The following ANKRD13C variants were observed in gnomAD, a reference collection of about 807,000 sequenced individuals.
The protein encoded by ANKRD13C is ankyrin repeat domain-containing protein 13C.
In ANKRD13C, 16 loss-of-function variants were observed where a neutral mutation model predicts 65.5. The observed-to-expected ratio is 0.24, with a 90% CI of 0.17 to 0.37. The LOEUF (loss-of-function observed/expected upper bound fraction) is 0.37. ANKRD13C is among the 10% of genes least tolerant of loss of function. The pLI is 1.00. For missense variants in ANKRD13C, 503 were observed against 655.9 expected (o/e 0.77, Z 2.55); for synonymous variants, 235 against 238.7 (o/e 0.98, Z 0.14).
At chr1:70,306,789 A>C (rs762430537) in intron 5 of ANKRD13C, among the ~76,000 whole-genome samples, 18 of 152,226 alleles carry the variant, frequency 1.2e-4, no homozygotes, top group Non-Finnish European at 2.2e-4. Context: ...AATGTACCTG[A>C]GTTTCAAAAT....
Position 70,354,671 on chromosome 1 carries a change from G to A in ANKRD13C, c.-263C>T, listed in dbSNP as rs1682923259. On this transcript the variant is annotated 5_prime_UTR_variant, in exon 1 of 13. Coordinates refer to ENST00000370944, the MANE Select transcript of ANKRD13C (RefSeq NM_030816.5). ...GGATCTCAGTCTCGCCGTCGCAGCC[G>A]CCGTCGCTGCCTTACACCGAAAAAC... The A allele has an allele frequency of 2.4e-6, 2 of 834,244 alleles. No individual in the cohort carries two copies. Among genetic ancestry groups the A allele is most frequent in the African/African-American group, 1.7e-5 (1 of 58,066 alleles). 51.7% of individuals were successfully genotyped at this position (834,244 alleles called of 1,614,324 possible).
chr1:70,297,324 C>T (rs1680132549), intron 7 of ANKRD13C, among the ~76,000 whole-genome samples: 1 of 136,644 alleles, frequency 7.3e-6, no homozygotes, highest in African/African-American at 2.7e-5. Context: ...GACAGAGTCC[C>T]GCTTTGTCGC....
chr1:70,336,078 G>A lies in ANKRD13C; in HGVS notation c.452C>T (p.Ala151Val). ...DNHGNTPLHL[A>V]VMLGNKECAH... ...CTAACCTTTATTTCCTAACATCACA[G>A]CAAGGTGTAAAGGAGTATTTCCTAA... is the stretch of plus-strand genomic sequence containing the variant. The change falls in exon 2 of 13, where the codon GCT (alanine) becomes GTT (valine). Residue 151 changes from alanine to valine, a missense_variant. Ala to Val is a moderately conservative substitution (Grantham distance 64). Around this residue, in one of 2 missense-constraint regions of ANKRD13C, gnomAD observed 300 missense variants for 478.3 expected, o/e 0.63. Coordinates refer to ENST00000370944, the MANE Select transcript of ANKRD13C (RefSeq NM_030816.5). 1 of 818,990 alleles carries A rather than the reference G, an allele frequency of 1.2e-6. No homozygotes were observed. The highest frequency in any genetic ancestry group is 3.8e-5 in the Admixed American group (1 of 25,992). 50.7% of individuals were successfully genotyped at this position (818,990 alleles called of 1,614,324 possible).
At chr1:70,313,442 ACT>A (rs1486227133) in intron 5 of ANKRD13C, among the ~76,000 whole-genome samples, 1 of 151,592 alleles carries the variant, frequency 6.6e-6, no homozygotes, top group Non-Finnish European at 1.5e-5. Context: ...AGCGGGGAGG[ACT>A]GCCTGAGCCC....
chr1:70,312,473 T>C (rs1419532089), intron 5 of ANKRD13C, among the ~76,000 whole-genome samples: 1 of 151,772 alleles, frequency 6.6e-6, no homozygotes, highest in Non-Finnish European at 1.5e-5. Flanking sequence ...GTAAGTAATC[T>C]CCATTTCACA....
chr1:70,287,197 T>A (rs891478981), intron 9 of ANKRD13C, among the ~76,000 whole-genome samples: 1 of 152,094 alleles, frequency 6.6e-6, no homozygotes, highest in Non-Finnish European at 1.5e-5. Context: ...AGAGAAATTA[T>A]AGAGAATCTA....
intron 2 of ANKRD13C, among the ~76,000 whole-genome samples, chr1:70,335,426 AT>A (rs1361495469): frequency 2.0e-5 from 3 of 151,690 alleles, no homozygotes; most frequent in Non-Finnish European, 4.4e-5. Context: ...AAAAGAAAAA[AT>A]TTTTACTAAA....
intron 9 of ANKRD13C, among the ~76,000 whole-genome samples, chr1:70,291,149 G>A (rs1234200493): frequency 6.6e-6 from 1 of 151,956 alleles, no homozygotes; most frequent in Non-Finnish European, 1.5e-5. Flanking sequence ...TCCTGCCTCA[G>A]CCTTCCGAGT....
intron 9 of ANKRD13C, among the ~76,000 whole-genome samples, chr1:70,278,180 C>A (rs1435756233): frequency 2.7e-5 from 4 of 150,378 alleles, no homozygotes; most frequent in African/African-American, 4.9e-5. Flanking sequence ...CAAAGTAAGA[C>A]CCTGCCTCAC....
chr1:70,274,470 T>C (rs185029258), intron 11 of ANKRD13C, among the ~76,000 whole-genome samples: 1,034 of 91,754 alleles, frequency 0.011, 13 homozygotes, highest in African/African-American at 0.046. Context: ...CAAGACTCCA[T>C]CTCAAAAAAA....
chr1:70,309,599 G>T (rs764386172), intron 5 of ANKRD13C, among the ~76,000 whole-genome samples: 1 of 149,604 alleles, frequency 6.7e-6, no homozygotes, highest in Non-Finnish European at 1.5e-5. Flanking sequence ...GGTGGCGGGC[G>T]CCTGTAGTCC....
At chr1:70,274,473 CAAAAAAAAAA>C (rs769480539) in intron 11 of ANKRD13C, among the ~76,000 whole-genome samples, 3 of 38,676 alleles carry the variant, frequency 7.8e-5, no homozygotes, top group Non-Finnish European at 1.1e-4. Flanking sequence ...GACTCCATCT[CAAAAAAAAAA>C]AAAAAAAAAA....
intron 3 of ANKRD13C, among the ~76,000 whole-genome samples, chr1:70,317,835 T>C (rs1327881463): frequency 6.6e-6 from 1 of 152,148 alleles, no homozygotes; most frequent in Non-Finnish European, 1.5e-5. Context: ...ATGAAAAGAA[T>C]TCAATTCCTA....
intron 9 of ANKRD13C, among the ~76,000 whole-genome samples, chr1:70,290,132 A>G (rs56239408): frequency 1.6e-4 from 21 of 133,784 alleles, no homozygotes; most frequent in Non-Finnish European, 3.2e-4. Flanking sequence ...ATAGGATCAC[A>G]CTAAAGTGGC....
rs1165416550 is a variant in ANKRD13C, at chr1:70,309,715, C to CAAAA, written c.710-3429_710-3426dup. On this transcript the variant is annotated intron_variant, in intron 5 of 12. Coordinates refer to ENST00000370944, the MANE Select transcript of ANKRD13C (RefSeq NM_030816.5). ...TGGGCGACAGAGCCAGACTCCGTCGCAAAAAAAAAAAAAAAAAAATAATAA... is the reference window on the plus strand; with the variant it reads ...TGGGCGACAGAGCCAGACTCCGTCGCAAAAAAAAAAAAAAAAAAAAAAATAATAA... Among the ~76,000 whole-genome samples the CAAAA allele has an allele frequency of 1.5e-4, 21 of 138,836 alleles. No individual in the cohort carries two copies. In the East Asian group the frequency reaches 4.0e-3, roughly 26 times the overall value. 91.1% of individuals were successfully genotyped at this position (138,836 alleles called of 152,430 possible).
chr1:70,330,208 T>C (rs1270305155), intron 2 of ANKRD13C, among the ~76,000 whole-genome samples: 2 of 152,030 alleles, frequency 1.3e-5, no homozygotes, highest in African/African-American at 4.8e-5. Flanking sequence ...TGCATAAATG[T>C]GCCAGGAAGA....
Position 70,272,097 on chromosome 1 carries a change from T to C in ANKRD13C, c.1395-1141A>G, listed in dbSNP as rs546335948. ...CATTTTACTGTCTTATATTCTCATC[T>C]CAGAAAGATCTGCTTTACTGATTTC... is the stretch of plus-strand genomic sequence containing the variant. On this transcript the variant is annotated intron_variant, in intron 11 of 12. Transcript: ENST00000370944. Among the ~76,000 whole-genome samples, 22 of 152,280 alleles carry C rather than the reference T, an allele frequency of 1.4e-4. No individual in the cohort carries two copies. In the East Asian group the frequency reaches 3.1e-3, roughly 21 times the overall value.
chr1:70,348,876 A>C (rs1682636441), intron 1 of ANKRD13C, among the ~76,000 whole-genome samples: 1 of 152,238 alleles, frequency 6.6e-6, no homozygotes, highest in Admixed American at 6.5e-5. Flanking sequence ...ATGTAATTAA[A>C]GGCAGGAGAA....
intron 9 of ANKRD13C, among the ~76,000 whole-genome samples, chr1:70,279,234 A>G (rs563196024): frequency 6.6e-6 from 1 of 151,944 alleles, no homozygotes; most frequent in Non-Finnish European, 1.5e-5. Flanking sequence ...AGAGAGAGAG[A>G]GGGAAGCAGT....
Sources: gnomAD v4.1 joint callset for allele counts (sites outside exome capture counted in the v4.1 genomes callset) on GRCh38, gnomAD v4.1.1 for gene constraint, gnomAD v4.1.1 regional missense constraint, MANE v1.5 for transcripts, NCBI Gene and HGNC (gene_info 2026-07-23, HGNC 2026-07-21) for gene names.